Variants in CLEC16A observed in about 807,000 individuals in gnomAD.
CLEC16A encodes the protein protein CLEC16A.
Under a neutral mutation model 109.5 loss-of-function variants are expected in CLEC16A, and 51 were observed. The observed-to-expected ratio is 0.47, with a 90% CI of 0.37 to 0.59. The LOEUF is 0.59. Among genes scored for constraint, CLEC16A ranks in the 20% least tolerant of loss-of-function variants. CLEC16A has a pLI of 0.00. For synonymous variants in CLEC16A, 673 were observed against 564.2 expected, an observed-to-expected ratio of 1.19 and a Z score of -2.73; for missense variants, 1,339 against 1,394.0, an observed-to-expected ratio of 0.96 and a Z score of 0.63.
At chr16:10,996,643 C>T (rs1175208770) in intron 10 of CLEC16A, among the ~76,000 whole-genome samples, 1 of 152,192 alleles carries the variant, frequency 6.6e-6, no homozygotes, top group Non-Finnish European at 1.5e-5. Context: ...TCCTCTGCGG[C>T]CCCATCACTC....
At chr16:11,121,696 A>G (rs538947798) in intron 20 of CLEC16A, among the ~76,000 whole-genome samples, 18 of 151,884 alleles carry the variant, frequency 1.2e-4, no homozygotes, top group African/African-American at 4.1e-4. Context: ...CCTGGCCAAC[A>G]TGGTGAAACC....
chr16:11,075,400 G>GTGTGTGTC (rs2049300971), intron 19 of CLEC16A, among the ~76,000 whole-genome samples: 5 of 136,274 alleles, frequency 3.7e-5, no homozygotes, highest in East Asian at 4.1e-4. Context: ...GTGTGTGTGT[G>GTGTGTGTC]TGTGTGTGTG....
chr16:11,051,435 C>A, intron 17 of CLEC16A, 78 bp from the exon 18 acceptor site: 2 of 1,461,826 alleles, frequency 1.4e-6, no homozygotes, highest in Non-Finnish European at 1.9e-6. Flanking sequence ...AGGCGAGGGG[C>A]CTGTGCAACC....
chr16:11,145,615 G>A (rs1182714581), intron 22 of CLEC16A, among the ~76,000 whole-genome samples: 1 of 152,270 alleles, frequency 6.6e-6, no homozygotes, highest in African/African-American at 2.4e-5. Context: ...CAAAGCAGCT[G>A]TAGAGCATAC....
chr16:11,054,339 C>G (rs541649898), intron 18 of CLEC16A, among the ~76,000 whole-genome samples: 1 of 152,348 alleles, frequency 6.6e-6, no homozygotes, highest in South Asian at 2.1e-4. Context: ...TAAAATGTGC[C>G]TGCCTTTCCA....
At chr16:11,064,782 A>T (rs1377777248) in intron 19 of CLEC16A, among the ~76,000 whole-genome samples, 1 of 152,162 alleles carries the variant, frequency 6.6e-6, no homozygotes, top group Admixed American at 6.5e-5. Context: ...CTTTCAAAAA[A>T]ATAAAAACAA....
chr16:11,006,907 G>T (rs997954644), intron 11 of CLEC16A, among the ~76,000 whole-genome samples: 1 of 151,936 alleles, frequency 6.6e-6, no homozygotes, highest in African/African-American at 2.4e-5. Context: ...GAAATCACAG[G>T]GCCCCTAAAT....
At chr16:11,134,056 C>G (rs12325303) in intron 22 of CLEC16A, among the ~76,000 whole-genome samples, 2 of 152,142 alleles carry the variant, frequency 1.3e-5, no homozygotes, top group Admixed American at 6.6e-5. Context: ...TTTTCCCTTT[C>G]AGCAGGTCAG....
intron 19 of CLEC16A, among the ~76,000 whole-genome samples, chr16:11,066,037 C>T (rs906526562): frequency 6.6e-6 from 1 of 152,114 alleles, no homozygotes; most frequent in Non-Finnish European, 1.5e-5. Context: ...AGCAGGGCGG[C>T]GAGGAGCATG....
In CLEC16A at chr16:10,990,302, A is replaced by G. The variant is rs116635320; in HGVS notation, c.1071+7311A>G. 2.4e-3 allele frequency among the ~76,000 whole-genome samples: 371 copies of G among 152,294 alleles called. 4 individuals carry two copies. The highest frequency in any genetic ancestry group is 8.1e-3 in the African/African-American group (336 of 41,560). ...GTATTGAATGTGGCAGCTCTGGTCTATGTTTAAGAGGATTTGATATAATCA... is the reference window on the plus strand; with the variant it reads ...GTATTGAATGTGGCAGCTCTGGTCTGTGTTTAAGAGGATTTGATATAATCA... On this transcript the variant is annotated intron_variant, in intron 10 of 23. Coordinates refer to ENST00000409790, the MANE Select transcript of CLEC16A (RefSeq NM_015226.3).
chr16:11,141,702 G>T (rs1012749203), intron 22 of CLEC16A, among the ~76,000 whole-genome samples: 2 of 152,270 alleles, frequency 1.3e-5, no homozygotes, highest in African/African-American at 4.8e-5. Context: ...GGGCAGCTGG[G>T]TGAGGGACGG....
At chr16:11,017,278 C>T (rs2045816920) in intron 11 of CLEC16A, among the ~76,000 whole-genome samples, 1 of 152,166 alleles carries the variant, frequency 6.6e-6, no homozygotes, top group African/African-American at 2.4e-5. Context: ...TACTCTGTGC[C>T]AGACACTGGA....
chr16:11,038,025 C>T (rs888604169), intron 13 of CLEC16A, among the ~76,000 whole-genome samples: 1 of 152,064 alleles, frequency 6.6e-6, no homozygotes, highest in African/African-American at 2.4e-5. Context: ...TTGAGGAAAC[C>T]CACATTTGTG....
intron 19 of CLEC16A, among the ~76,000 whole-genome samples, chr16:11,093,704 C>T (rs1316912636): frequency 6.6e-6 from 1 of 152,182 alleles, no homozygotes; most frequent in Non-Finnish European, 1.5e-5. Context: ...GTGTACAAGA[C>T]TGAGCAAGAG....
chr16:11,041,822 G>T (rs2047351434), intron 14 of CLEC16A: 1 of 156,520 alleles, frequency 6.4e-6, no homozygotes, highest in Non-Finnish European at 1.4e-5. Context: ...CCTAGTCACT[G>T]GGACCAAGGG....
chr16:11,138,402 A>G (rs952003374), intron 22 of CLEC16A, among the ~76,000 whole-genome samples: 2 of 152,194 alleles, frequency 1.3e-5, no homozygotes, highest in Non-Finnish European at 2.9e-5. Context: ...CATGGTTCGA[A>G]TTTTATCCTA....
intron 10 of CLEC16A, among the ~76,000 whole-genome samples, chr16:10,987,099 G>A (rs1206597965): frequency 6.6e-6 from 1 of 151,886 alleles, no homozygotes; most frequent in African/African-American, 2.4e-5. Context: ...CAAGTGATCT[G>A]CCCGTCTTAG....
chr16:10,985,965 C>T (rs1351731869), intron 10 of CLEC16A, among the ~76,000 whole-genome samples: 3 of 146,122 alleles, frequency 2.1e-5, no homozygotes, highest in Non-Finnish European at 3.0e-5. Context: ...CTTGGCCTCC[C>T]AAAGTGTTGG....
At chr16:11,063,577 A>T in intron 19 of CLEC16A, among the ~76,000 whole-genome samples, 1 of 152,154 alleles carries the variant, frequency 6.6e-6, no homozygotes, top group African/African-American at 2.4e-5. Context: ...TCCAAACAGC[A>T]GGAAGAGGTG....
Sources: gnomAD v4.1 joint callset for allele counts (sites outside exome capture counted in the v4.1 genomes callset) on GRCh38, gnomAD v4.1.1 for gene constraint, MANE v1.5 for transcripts, NCBI Gene and HGNC (gene_info 2026-07-23, HGNC 2026-07-21) for gene names.